Variants in CDC42EP4 observed in about 807,000 individuals in gnomAD.
CDC42EP4 encodes CDC42 effector protein 4.
A neutral mutation model predicts 5.6 loss-of-function variants in CDC42EP4; 6 were observed. That is an observed-to-expected ratio of 1.07 (90% confidence interval 0.59 to 2.12). CDC42EP4 has a LOEUF of 2.12. Among genes scored for constraint, CDC42EP4 ranks in the 30% most tolerant of loss-of-function variants. CDC42EP4 has a pLI of 0.00. For missense variants in CDC42EP4, 490 were observed against 508.6 expected (o/e 0.96, Z 0.35); for synonymous variants, 230 against 224.2 (o/e 1.03, Z -0.23).
In CDC42EP4 at chr17:73,285,399, A is replaced by AAG. The variant is rs774516827; in HGVS notation, c.*29_*30dup. 1 of 1,512,568 alleles carries AAG rather than the reference A, an allele frequency of 6.6e-7. No homozygotes were observed. The highest frequency in any genetic ancestry group is 1.4e-5 in the African/African-American group (1 of 72,522). The allele number at this position is 1,512,568 out of a possible 1,614,324, so 93.7% of individuals were successfully genotyped here. Reference sequence around the variant, plus strand: ...GTGGGGGCAGGGAGAAGATGCAGCCAAGAGCTCCCGGTGGCCACCCACTGT... The same window carrying AAG: ...GTGGGGGCAGGGAGAAGATGCAGCCAAGAGAGCTCCCGGTGGCCACCCACTGT... On this transcript the variant is annotated 3_prime_UTR_variant, in exon 2 of 2. Transcript: ENST00000335793. This position sits in a 1 kb window ranked among gnomAD's most constrained non-coding sequence, Gnocchi z 6.8.
intron 1 of CDC42EP4, among the ~76,000 whole-genome samples, chr17:73,293,430 AG>A (rs773327147): frequency 6.6e-6 from 1 of 152,160 alleles, no homozygotes; most frequent in Non-Finnish European, 1.5e-5. Flanking sequence ...CAGACCAGGG[AG>A]GAGAGAAAAG....
chr17:73,286,279 G>T lies in CDC42EP4; in HGVS notation c.222C>A (p.Ser74=). Residue 74 remains serine (S), a synonymous_variant, in exon 2 of 2, where the codon TCC becomes TCA. Transcript: ENST00000335793. The surrounding 1 kb of genome is among the most constrained non-coding windows in gnomAD (Gnocchi z 7.7). ...SLDEQPSSSS[S]KRSLLSRKFR... is the part of the protein sequence containing the mutation. ...ACTTCCTGGACAGGAGACTGCGTTT[G>T]GAAGATGAAGAAGAGGGCTGTTCGT... 1 of 1,614,232 alleles carries T rather than the reference G, an allele frequency of 6.2e-7. No homozygotes were observed. The highest frequency in any genetic ancestry group is 8.5e-7 in the Non-Finnish European group (1 of 1,180,044).
In CDC42EP4 at chr17:73,284,768, T is replaced by C. The variant is rs2062121210; in HGVS notation, c.*662A>G. The C allele has an allele frequency of 1.3e-5, 2 of 152,244 alleles. No individual in the cohort carries two copies. Among genetic ancestry groups the C allele is most frequent in the South Asian group, 4.1e-4 (2 of 4,826 alleles). 9.4% of individuals were successfully genotyped at this position (152,244 alleles called of 1,614,324 possible). The stretch of plus-strand genomic sequence containing the variant: ...AGTGTCATCCTGGAAGGGTCCCTTC[T>C]TGCAATTCACGAAGCCTGGGGGGCT... On this transcript the variant is annotated 3_prime_UTR_variant, in exon 2 of 2. Coordinates refer to ENST00000335793, the MANE Select transcript of CDC42EP4 (RefSeq NM_012121.5).
intron 1 of CDC42EP4, among the ~76,000 whole-genome samples, chr17:73,302,913 G>A (rs1204709981): frequency 4.6e-5 from 7 of 151,094 alleles, no homozygotes; most frequent in Non-Finnish European, 8.8e-5. Flanking sequence ...GCATGGTGGC[G>A]GGCACCTGTA....
intron 1 of CDC42EP4, among the ~76,000 whole-genome samples, chr17:73,309,311 G>A (rs937655751): frequency 2.0e-5 from 3 of 152,080 alleles, no homozygotes; most frequent in Non-Finnish European, 4.4e-5. Context: ...CTATGACGCT[G>A]CACCACAACC....
intron 1 of CDC42EP4, among the ~76,000 whole-genome samples, chr17:73,303,104 G>A (rs2062227350): frequency 6.6e-6 from 1 of 150,742 alleles, no homozygotes; most frequent in African/African-American, 2.5e-5. Flanking sequence ...AGAACTTTGG[G>A]AGGCTGAGGC....
At chr17:73,289,928 A>C (rs1044732547) in intron 1 of CDC42EP4, among the ~76,000 whole-genome samples, 12 of 152,200 alleles carry the variant, frequency 7.9e-5, no homozygotes, top group Non-Finnish European at 1.5e-4. Flanking sequence ...AAGAAAAAGA[A>C]AAAGAGAAGG....
chr17:73,286,624 G>C lies in CDC42EP4; in HGVS notation c.-112-12C>G. The stretch of plus-strand genomic sequence containing the variant: ...AGGAGATCATAAGGCTGCAAGCAGA[G>C]AATGAGAGGCAAAGGATTAACGCGG... On this transcript the variant is annotated splice_polypyrimidine_tract_variant and intron_variant, in intron 1 of 1. Transcript: ENST00000335793. The surrounding 1 kb of genome is among the most constrained non-coding windows in gnomAD (Gnocchi z 7.7). 1.4e-6 allele frequency: 1 copy of C among 693,406 alleles called. No homozygotes were observed. The highest frequency in any genetic ancestry group is 2.4e-6 in the Non-Finnish European group (1 of 422,160). 43.0% of individuals were successfully genotyped at this position (693,406 alleles called of 1,614,324 possible).
intron 1 of CDC42EP4, among the ~76,000 whole-genome samples, chr17:73,303,817 G>C (rs1369532678): frequency 2.0e-5 from 3 of 152,102 alleles, no homozygotes; most frequent in South Asian, 2.1e-4. Flanking sequence ...ACTGTGATTT[G>C]AATATCACAC....
rs140702046 is a variant in CDC42EP4 at position 73,300,137 on chromosome 17, C to T, written c.-113+11756G>A. Among the ~76,000 whole-genome samples the T allele has an allele frequency of 5.8e-3, 878 of 152,278 alleles. 15 individuals carry two copies. Among genetic ancestry groups the T allele is most frequent in the African/African-American group, 0.02 (841 of 41,554 alleles). On this transcript the variant is annotated intron_variant, in intron 1 of 1. Transcript: ENST00000335793. Reference sequence around the variant, plus strand: ...CCACTTGCCCCACCCTCACTGCCCGCGTGCCAATCCATGCCAGGATCATTG... The same window carrying T: ...CCACTTGCCCCACCCTCACTGCCCGTGTGCCAATCCATGCCAGGATCATTG...
chr17:73,304,438 A>T (rs1231286523), intron 1 of CDC42EP4, among the ~76,000 whole-genome samples: 1 of 152,000 alleles, frequency 6.6e-6, no homozygotes, highest in African/African-American at 2.4e-5. Flanking sequence ...TTGTAGTCAT[A>T]CACGGTCCCA....
intron 1 of CDC42EP4, among the ~76,000 whole-genome samples, chr17:73,301,573 C>T (rs763053289): frequency 2.0e-5 from 3 of 152,324 alleles, no homozygotes; most frequent in East Asian, 3.9e-4. Context: ...ATGATACATT[C>T]TTGTGAGTCT....
intron 1 of CDC42EP4, among the ~76,000 whole-genome samples, chr17:73,298,755 AT>A (rs2062201458): frequency 6.6e-6 from 1 of 152,152 alleles, no homozygotes; most frequent in Non-Finnish European, 1.5e-5. Context: ...CTCCTACCCC[AT>A]CCCTCCAGTA....
intron 1 of CDC42EP4, among the ~76,000 whole-genome samples, chr17:73,299,185 A>AGGCTGAGGCG (rs2062203907): frequency 6.6e-6 from 1 of 152,016 alleles, no homozygotes; most frequent in Non-Finnish European, 1.5e-5. Flanking sequence ...GCACTTTGGG[A>AGGCTGAGGCG]GGCTGAGGCG....
At chr17:73,304,683 A>C (rs2062236343) in intron 1 of CDC42EP4, among the ~76,000 whole-genome samples, 1 of 151,976 alleles carries the variant, frequency 6.6e-6, no homozygotes, top group Non-Finnish European at 1.5e-5. Context: ...CGAGGGGGAC[A>C]GTGCATCATA....
Position 73,285,761 on chromosome 17 carries a change from C to A in CDC42EP4, c.740G>T (p.Gly247Val), listed in dbSNP as rs1183388248. 6.3e-7 allele frequency: 1 copy of A among 1,592,670 alleles called. No individual in the cohort carries two copies. Among genetic ancestry groups the A allele is most frequent in the African/African-American group, 1.3e-5 (1 of 74,566 alleles). Residue 247 changes from glycine (G) to valine (V), a missense_variant, in exon 2 of 2, where the codon GGC (glycine) becomes GTC (valine). Gly to Val is a moderately radical substitution (Grantham distance 109). Transcript: ENST00000335793. This position sits in a 1 kb window ranked among gnomAD's most constrained non-coding sequence, Gnocchi z 6.8. ...GGYHGDEGAA[G>V]TITQAPPYAV... ...GTACGGGGGAGCCTGGGTGATGGTG[C>A]CAGCGGCGCCCTCATCGCCATGGTA... is the stretch of plus-strand genomic sequence containing the variant.
chr17:73,292,338 C>G (rs1306483928), intron 1 of CDC42EP4, among the ~76,000 whole-genome samples: 1 of 152,222 alleles, frequency 6.6e-6, no homozygotes. Context: ...TTAGTTGTGA[C>G]CTGGATCGGC....
chr17:73,306,330 T>TA (rs56874446), intron 1 of CDC42EP4, among the ~76,000 whole-genome samples: 36,670 of 133,682 alleles, frequency 0.27, 4,683 homozygotes, highest in South Asian at 0.37. Flanking sequence ...ACCCTGTCTC[T>TA]AAAAAAAAAA....
At chr17:73,305,440 A>G (rs568329408) in intron 1 of CDC42EP4, among the ~76,000 whole-genome samples, 2 of 152,276 alleles carry the variant, frequency 1.3e-5, no homozygotes, top group African/African-American at 4.8e-5. Flanking sequence ...GTTTGGTTTC[A>G]CTTTGCCGCT....
Sources: gnomAD v4.1 joint callset for allele counts (sites outside exome capture counted in the v4.1 genomes callset) on GRCh38, gnomAD v4.1.1 for gene constraint, Gnocchi (gnomAD v3.1) non-coding constraint, MANE v1.5 for transcripts, NCBI Gene and HGNC (gene_info 2026-07-23, HGNC 2026-07-21) for gene names.